SEC24D: variants seen among roughly 807,000 people sequenced by gnomAD.
The protein encoded by SEC24D is protein transport protein Sec24D.
In SEC24D, 69 loss-of-function variants were observed where a neutral mutation model predicts 116.9. The observed-to-expected ratio is 0.59, with a 90% CI of 0.49 to 0.72. SEC24D has a LOEUF of 0.72. Ranked by LOEUF, SEC24D falls within the 30% of genes least tolerant of loss-of-function variation. The pLI, the probability that SEC24D is intolerant of heterozygous loss-of-function variation, is 0.00. For missense variants in SEC24D, 1,131 were observed against 1,264.1 expected (o/e 0.89, Z 1.60); for synonymous variants, 405 against 442.8 (o/e 0.91, Z 1.07).
intron 10 of SEC24D, among the ~76,000 whole-genome samples, chr4:118,764,200 A>T (rs1243926421): frequency 2.0e-5 from 3 of 152,090 alleles, no homozygotes; most frequent in Non-Finnish European, 4.4e-5. Context: ...AGAAAGCTAA[A>T]TTTTTTTTAA....
At chr4:118,757,611 G>C (rs1727163848) in intron 11 of SEC24D, 110 bp downstream of exon 11, 1 of 880,474 alleles carries the variant, frequency 1.1e-6, no homozygotes, top group East Asian at 2.7e-5. Context: ...TAATTACCCA[G>C]TGTCCTCATT....
At chr4:118,804,426 G>A (rs1729580454) in intron 7 of SEC24D, among the ~76,000 whole-genome samples, 1 of 152,010 alleles carries the variant, frequency 6.6e-6, no homozygotes, top group African/African-American at 2.4e-5. Context: ...AGAAACAGGT[G>A]GGAGATGAGG....
At chr4:118,796,159 T>G (rs540527486) in intron 8 of SEC24D, among the ~76,000 whole-genome samples, 1 of 152,338 alleles carries the variant, frequency 6.6e-6, no homozygotes, top group South Asian at 2.1e-4. Flanking sequence ...GTGTTCACTA[T>G]GAAATCGTTT....
At chr4:118,807,904 C>T (rs2110515871) in intron 6 of SEC24D, among the ~76,000 whole-genome samples, 1 of 152,280 alleles carries the variant, frequency 6.6e-6, no homozygotes, top group South Asian at 2.1e-4. Context: ...GAAATCGAAA[C>T]ACTGTAATTA....
chr4:118,741,238 A>T (rs528630333), intron 15 of SEC24D, among the ~76,000 whole-genome samples: 51 of 152,280 alleles, frequency 3.3e-4, no homozygotes, highest in African/African-American at 1.2e-3. Flanking sequence ...CTAAAATCTC[A>T]TCTATTATTT....
At position 118,732,656 on chromosome 4, in the gene SEC24D, A is replaced by T. The variant is rs1725750111; in HGVS notation, c.2676+77T>A. ...TCCTCTTAAGAACAACATATTTCAGATATAACATACGGGAAAGCACAAAAT... is the reference window on the plus strand; with the variant it reads ...TCCTCTTAAGAACAACATATTTCAGTTATAACATACGGGAAAGCACAAAAT... On this transcript the variant is annotated intron_variant, in intron 20 of 22. Transcript: ENST00000280551. 5 of 1,335,058 alleles carry T rather than the reference A, an allele frequency of 3.7e-6. No individual in the cohort carries two copies. In the South Asian group the frequency reaches 6.7e-5, roughly 18 times the overall value. 82.7% of individuals were successfully genotyped at this position (1,335,058 alleles called of 1,614,324 possible).
intron 3 of SEC24D, among the ~76,000 whole-genome samples, chr4:118,824,266 C>T (rs1394839103): frequency 6.6e-6 from 1 of 152,116 alleles, no homozygotes; most frequent in African/African-American, 2.4e-5. Context: ...CCCATCTCAG[C>T]CTCTCCAGTA....
intron 11 of SEC24D, among the ~76,000 whole-genome samples, chr4:118,756,369 G>T (rs1221343346): frequency 6.6e-6 from 1 of 152,030 alleles, no homozygotes; most frequent in Non-Finnish European, 1.5e-5. Flanking sequence ...CTTCATTTTA[G>T]AATTTAGTTT....
chr4:118,778,543 T>G (rs756830750), intron 8 of SEC24D, among the ~76,000 whole-genome samples: 17 of 152,244 alleles, frequency 1.1e-4, no homozygotes, highest in Non-Finnish European at 1.9e-4. Context: ...GGTAGTGTGA[T>G]GCCTCCAGCT....
At chr4:118,804,885 TACACACACAC>T (rs71954957) in intron 7 of SEC24D, among the ~76,000 whole-genome samples, 48 of 141,004 alleles carry the variant, frequency 3.4e-4, no homozygotes, top group African/African-American at 8.6e-4. Context: ...TATGCATGCA[TACACACACAC>T]ACACACACAC....
intron 6 of SEC24D, among the ~76,000 whole-genome samples, chr4:118,806,615 G>A (rs1485127498): frequency 6.6e-6 from 1 of 151,572 alleles, no homozygotes; most frequent in African/African-American, 2.4e-5. Context: ...TTACAGGTGT[G>A]AGCCACTGCA....
At chr4:118,791,773 G>A (rs1160139669) in intron 8 of SEC24D, among the ~76,000 whole-genome samples, 1 of 152,184 alleles carries the variant, frequency 6.6e-6, no homozygotes, top group East Asian at 1.9e-4. Context: ...TGACCTGCCA[G>A]CCTCGGCCTC....
At chr4:118,730,171 A>C (rs1201156480) in intron 21 of SEC24D, 2 of 152,218 alleles carry the variant, frequency 1.3e-5, no homozygotes, top group East Asian at 3.8e-4. Context: ...AATATATTAC[A>C]AGAGGAAGCT....
In SEC24D at chr4:118,800,999, C is replaced by A. The variant is rs138190747; in HGVS notation, c.914-3189G>T. 8.3e-3 allele frequency among the ~76,000 whole-genome samples: 1,261 copies of A among 152,216 alleles called. 17 individuals are homozygous for A. Among genetic ancestry groups the A allele is most frequent in the African/African-American group, 0.029 (1,196 of 41,522 alleles). On this transcript the variant is annotated intron_variant, in intron 7 of 22. Transcript: ENST00000280551. ...AAAAAAGGCCAGTCACGGTGGCTCA[C>A]GCCTGTAATCCCAGCACTTTGGAAG...
chr4:118,746,905 A>T (rs1196728691), intron 13 of SEC24D, among the ~76,000 whole-genome samples: 1 of 152,132 alleles, frequency 6.6e-6, no homozygotes, highest in Non-Finnish European at 1.5e-5. Context: ...AGAGGTGAAG[A>T]CACAGCTGAC....
At chr4:118,792,167 G>A (rs1295144002) in intron 8 of SEC24D, among the ~76,000 whole-genome samples, 1 of 148,576 alleles carries the variant, frequency 6.7e-6, no homozygotes, top group Non-Finnish European at 1.5e-5. Flanking sequence ...GAGTGTCTCT[G>A]CCCCGCCGCC....
At chr4:118,766,710 G>A (rs561888752) in intron 9 of SEC24D, 178 of 152,366 alleles carry the variant, frequency 1.2e-3, no homozygotes, top group Middle Eastern at 3.4e-3. Context: ...ACCTTTCTAA[G>A]AAAGCTGGGG....
chr4:118,809,766 T>G (rs1429604585), intron 6 of SEC24D, among the ~76,000 whole-genome samples: 1 of 152,178 alleles, frequency 6.6e-6, no homozygotes, highest in Non-Finnish European at 1.5e-5. Flanking sequence ...GACATTCTTG[T>G]GTGGAAGACA....
chr4:118,769,175 T>C lies in SEC24D; in HGVS notation c.1042-864A>G, dbSNP rs1206701925. ...GGTCGATTCTACCTTTTCTGTTAGT[T>C]TATCAGAAAAAAACGTTTCACAGAA... On this transcript the variant is annotated intron_variant, in intron 8 of 22. Transcript: ENST00000280551. Among the ~76,000 whole-genome samples, 3 of 152,200 alleles carry C rather than the reference T, an allele frequency of 2.0e-5. No individual in the cohort carries two copies. The East Asian group carries it at 5.8e-4, about 29-fold the overall frequency.
Sources: gnomAD v4.1 joint callset for allele counts (sites outside exome capture counted in the v4.1 genomes callset) on GRCh38, gnomAD v4.1.1 for gene constraint, MANE v1.5 for transcripts, NCBI Gene and HGNC (gene_info 2026-07-23, HGNC 2026-07-21) for gene names.